The following TM6SF1 variants were observed in gnomAD, a reference collection of about 807,000 sequenced individuals.
TM6SF1 encodes transmembrane 6 superfamily member 1.
Under a neutral mutation model 47.1 loss-of-function variants are expected in TM6SF1, and 43 were observed. That is an observed-to-expected ratio of 0.91 (90% CI 0.72 to 1.18). TM6SF1 has a LOEUF of 1.18. TM6SF1 is among the 50% of genes most tolerant of loss of function. TM6SF1 has a pLI of 0.00. For missense variants in TM6SF1, 390 were observed against 449.0 expected, an observed-to-expected ratio of 0.87 and a Z score of 1.19; for synonymous variants, 177 against 166.3, an observed-to-expected ratio of 1.06 and a Z score of -0.49.
chr15:83,122,912 CA>C, intron 6 of TM6SF1, 34 bp downstream of exon 6: 1 of 1,610,678 alleles, frequency 6.2e-7, no homozygotes, highest in Non-Finnish European at 8.5e-7. Flanking sequence ...ACCCTGTTCT[CA>C]AACTCATAGG....
rs2035576693 is a variant in TM6SF1, at chr15:83,124,732, G to A, written c.664G>A (p.Val222Met). 6.2e-7 allele frequency: 1 copy of A among 1,614,164 alleles called. No individual in the cohort carries two copies. The highest frequency in any genetic ancestry group is 8.5e-7 in the Non-Finnish European group (1 of 1,180,024). Reference sequence around the variant, plus strand: ...AAGACCATTTGATTTAATGTTGGTTGTGTGTCTCCTCCTGGCAACTGGATT... The same window carrying A: ...AAGACCATTTGATTTAATGTTGGTTATGTGTCTCCTCCTGGCAACTGGATT... ...LRRPFDLMLV[V>M]CLLLATGFCL... is the part of the protein sequence containing the mutation. The change falls in exon 7 of 10, where the codon GTG (valine) becomes ATG (methionine). Residue 222 changes from valine (V) to methionine (M), a missense_variant. Transcript: ENST00000322019.
chr15:83,135,240 G>A (rs2036532609), intron 9 of TM6SF1: 2 of 152,156 alleles, frequency 1.3e-5, no homozygotes, highest in Admixed American at 1.3e-4. Flanking sequence ...AAAAAAACTT[G>A]TCCTTTTCTT....
Position 83,124,696 on chromosome 15 carries a change from G to A in TM6SF1, c.628G>A (p.Asp210Asn). ...GGTTATTCAAGAAGCCCAAGCGAAA[G>A]ACCTGCTGAGAAGACCATTTGATTT... ...SKVIQEAQAK[D>N]LLRRPFDLML... Residue 210 changes from aspartate to asparagine, a missense_variant, in exon 7 of 10, where the codon GAC becomes AAC. Asp to Asn is a conservative substitution (Grantham distance 23, BLOSUM62 1). Transcript: ENST00000322019. The A allele has an allele frequency of 6.2e-7, 1 of 1,614,050 alleles. No individual in the cohort carries two copies. The highest frequency in any genetic ancestry group is 1.3e-5 in the African/African-American group (1 of 75,032).
intron 9 of TM6SF1, chr15:83,128,445 A>T (rs1183716189): frequency 1.3e-5 from 2 of 152,232 alleles, no homozygotes; most frequent in Non-Finnish European, 2.9e-5. Flanking sequence ...AAGAGAACTA[A>T]CATTTATTGC....
intron 9 of TM6SF1, chr15:83,128,041 T>C (rs2035926020): frequency 6.6e-6 from 1 of 152,254 alleles, no homozygotes; most frequent in African/African-American, 2.4e-5. Flanking sequence ...ACTTCACACA[T>C]AACATAAAGC....
intron 2 of TM6SF1, chr15:83,113,722 T>C (rs1040549369): frequency 6.5e-6 from 1 of 152,740 alleles, no homozygotes; most frequent in African/African-American, 2.4e-5. Context: ...TCCTTGTTCT[T>C]GGACCAGCAG....
At chr15:83,134,890 T>C (rs2036509344) in intron 9 of TM6SF1, 1 of 152,262 alleles carries the variant, frequency 6.6e-6, no homozygotes, top group African/African-American at 2.4e-5. Flanking sequence ...TCAGAGTTCC[T>C]AGAATGTCCA....
At chr15:83,118,137 G>C (rs908300904) in intron 3 of TM6SF1, among the ~76,000 whole-genome samples, 3 of 152,100 alleles carry the variant, frequency 2.0e-5, no homozygotes, top group Non-Finnish European at 2.9e-5. Context: ...AAAGGCGGGA[G>C]GATCGCTTGA....
At chr15:83,134,645 T>G (rs1293595319) in intron 9 of TM6SF1, 1 of 152,226 alleles carries the variant, frequency 6.6e-6, no homozygotes, top group Non-Finnish European at 1.5e-5. Flanking sequence ...CCTATGCAAG[T>G]AGGCACAACT....
chr15:83,127,581 A>C, intron 9 of TM6SF1, 104 bp downstream of exon 9: 6 of 1,259,226 alleles, frequency 4.8e-6, no homozygotes, highest in Non-Finnish European at 6.7e-6. Flanking sequence ...GGAGATAGCT[A>C]TTAGACATGT....
At chr15:83,117,190 C>T (rs951645343) in intron 3 of TM6SF1, among the ~76,000 whole-genome samples, 3 of 152,068 alleles carry the variant, frequency 2.0e-5, no homozygotes, top group African/African-American at 4.8e-5. Context: ...GGGGGAATTC[C>T]GGAGAGAAGG....
chr15:83,136,807 T>A lies in TM6SF1; in HGVS notation c.*135T>A. On this transcript the variant is annotated 3_prime_UTR_variant, in exon 10 of 10. Coordinates refer to ENST00000322019, the MANE Select transcript of TM6SF1 (RefSeq NM_023003.5). ...ACATTCTTGCTCTGCACTGTATGTG[T>A]GAGCTATATGGTATTGTGTAAATTT... is the stretch of plus-strand genomic sequence containing the variant. The A allele has an allele frequency of 1.5e-6, 1 of 680,664 alleles. No individual in the cohort carries two copies. Among genetic ancestry groups the A allele is most frequent in the Non-Finnish European group, 2.3e-6 (1 of 427,714 alleles). 42.2% of individuals were successfully genotyped at this position (680,664 alleles called of 1,614,324 possible).
At chr15:83,117,009 G>C (rs1306531003) in intron 3 of TM6SF1, among the ~76,000 whole-genome samples, 5 of 152,190 alleles carry the variant, frequency 3.3e-5, no homozygotes, top group African/African-American at 1.2e-4. Flanking sequence ...TGGGGAGATG[G>C]AATTGTCCCA....
intron 7 of TM6SF1, among the ~76,000 whole-genome samples, chr15:83,125,361 A>G (rs2035647003): frequency 6.6e-6 from 1 of 152,192 alleles, no homozygotes. Flanking sequence ...ATTTTACTGC[A>G]GAGGTTAGGA....
At chr15:83,113,252 G>A in intron 2 of TM6SF1, 1 of 357,468 alleles carries the variant, frequency 2.8e-6, no homozygotes. Context: ...CCCACTTAGT[G>A]CAGAACTTAA....
chr15:83,127,053 G>A (rs931260182), intron 8 of TM6SF1, among the ~76,000 whole-genome samples: 4 of 152,006 alleles, frequency 2.6e-5, no homozygotes, highest in Non-Finnish European at 4.4e-5. Context: ...AACTAGCCGG[G>A]CATGGTGGCA....
chr15:83,111,627 A>AG, intron 1 of TM6SF1: 4 of 985,228 alleles, frequency 4.1e-6, no homozygotes, highest in Non-Finnish European at 4.8e-6. Flanking sequence ...GGTGGTGTGG[A>AG]GGGGTCTCAG....
intron 3 of TM6SF1, among the ~76,000 whole-genome samples, chr15:83,119,269 A>G (rs890948253): frequency 6.6e-6 from 1 of 152,180 alleles, no homozygotes; most frequent in Non-Finnish European, 1.5e-5. Context: ...GGTCTCCATG[A>G]GTTTGCCATA....
chr15:83,109,922 CCTCT>C (rs1361214783), intron 1 of TM6SF1, among the ~76,000 whole-genome samples: 3 of 152,170 alleles, frequency 2.0e-5, no homozygotes, highest in Non-Finnish European at 4.4e-5. Context: ...GCAGACCCTC[CCTCT>C]CTCTCCTTTG....
Sources: allele counts gnomAD v4.1 joint callset (sites outside exome capture counted in the v4.1 genomes callset), GRCh38; gene constraint gnomAD v4.1.1; transcripts MANE v1.5; gene names NCBI Gene and HGNC (gene_info 2026-07-23, HGNC 2026-07-21).